The following POLR3E variants were observed in gnomAD, a reference collection of about 807,000 sequenced individuals.
POLR3E encodes RNA polymerase III subunit E.
POLR3E carries 41 observed loss-of-function variants against 96.6 expected under a neutral mutation model. That is an observed-to-expected ratio of 0.42 (90% CI 0.33 to 0.55). POLR3E has a LOEUF of 0.55. Among genes scored for constraint, POLR3E ranks in the 20% least tolerant of loss-of-function variants. The pLI is 0.06. For missense variants in POLR3E, 849 were observed against 952.1 expected (o/e 0.89, Z 1.43); for synonymous variants, 396 against 383.6 (o/e 1.03, Z -0.38).
Position 22,316,638 on chromosome 16 carries a change from G to T in POLR3E, c.680G>T (p.Cys227Phe), listed in dbSNP as rs1366413994. 2 of 1,613,966 alleles carry T rather than the reference G, an allele frequency of 1.2e-6. No homozygotes were observed. Among genetic ancestry groups the T allele is most frequent in the African/African-American group, 2.7e-5 (2 of 74,944 alleles). ...RSEHERQYLLCPGSSGVENTE... is the reference protein window; with the variant it reads ...RSEHERQYLLFPGSSGVENTE... ...GAGCATGAGCGTCAGTACCTGCTGT[G>T]CCCCGGCTCAAGCGGGGTGGAGAAC... The change falls in exon 10 of 21, where the codon TGC becomes TTC. Residue 227 changes from cysteine (C) to phenylalanine (F), a missense_variant. Cys to Phe is a radical substitution (Grantham distance 205). Transcript: ENST00000299853.
chr16:22,325,703 G>A (rs1253638137), intron 17 of POLR3E, 58 bp from the exon 18 acceptor site: 1 of 1,499,540 alleles, frequency 6.7e-7, no homozygotes, highest in African/African-American at 1.4e-5. Context: ...GTCCCCTGCT[G>A]GGCTTTTGGC....
intron 8 of POLR3E, among the ~76,000 whole-genome samples, chr16:22,314,651 A>C (rs1381682472): frequency 6.6e-6 from 1 of 152,184 alleles, no homozygotes; most frequent in Non-Finnish European, 1.5e-5. Context: ...GTATGGCTAG[A>C]GAGTGGTGAG....
Position 22,318,964 on chromosome 16 carries a change from T to TTTTTTA in POLR3E, c.986+28_986+33dup. The TTTTTTA allele has an allele frequency of 6.4e-7, 1 of 1,555,010 alleles. No individual in the cohort carries two copies. The highest frequency in any genetic ancestry group is 8.7e-7 in the Non-Finnish European group (1 of 1,148,578). On this transcript the variant is annotated intron_variant, in intron 13 of 20. Transcript: ENST00000299853. The surrounding 1 kb of genome is among the most constrained non-coding windows in gnomAD (Gnocchi z 5.0). ...GTGAAGAGGTAAGTTGCTTTTTTTA[T>TTTTTTA]TTTTTATTTTTATTTATTTTTTTCC... is the stretch of plus-strand genomic sequence containing the variant.
At chr16:22,327,184 G>A (rs1275767217) in intron 18 of POLR3E, 2 of 152,604 alleles carry the variant, frequency 1.3e-5, no homozygotes, top group African/African-American at 4.8e-5. Flanking sequence ...AAGGTCAGGA[G>A]CGGGCCTGCA....
At chr16:22,326,307 TG>T (rs1018206056) in intron 18 of POLR3E, 29 bp downstream of exon 18, 18 of 247,600 alleles carry the variant, frequency 7.3e-5, no homozygotes, top group East Asian at 1.6e-4. Context: ...GCCAGGGGCA[TG>T]GGGGGTGGGG....
chr16:22,335,084 T>C lies in POLR3E; in HGVS notation c.*1384T>C, dbSNP rs2048822091. ...ACATATGTGAACCTGAAAAGTAAAGTTACCAAAAGCGATTTGGAATATGTC... is the reference window on the plus strand; with the variant it reads ...ACATATGTGAACCTGAAAAGTAAAGCTACCAAAAGCGATTTGGAATATGTC... On this transcript the variant is annotated 3_prime_UTR_variant, in exon 21 of 21. Coordinates refer to ENST00000299853, the MANE Select transcript of POLR3E (RefSeq NM_018119.4). 2 of 152,224 alleles carry C rather than the reference T, an allele frequency of 1.3e-5. 1 individual carries two copies. Among genetic ancestry groups the C allele is most frequent in the Non-Finnish European group, 2.9e-5 (2 of 68,046 alleles). The allele number at this position is 152,224 out of a possible 1,614,324, so 9.4% of individuals were successfully genotyped here. A position where few individuals can be genotyped will look rare whatever the true frequency, so the allele number is the denominator to read the frequency against.
rs150646233 is a variant in POLR3E, at chr16:22,313,724, G to A, written c.469G>A (p.Glu157Lys). ...GCACCGGGAGAGGGAGGCGGCCAAC[G>A]AGGGTGAGCCCGGGATCCCCAGCCC... ...AKHREREAAN[E>K]AGDSSQDEAE... is the part of the protein sequence containing the mutation. Residue 157 changes from glutamate to lysine, a missense_variant, in exon 7 of 21, where the codon GAG becomes AAG. Glu to Lys is a moderately conservative substitution (Grantham distance 56, BLOSUM62 1). Transcript: ENST00000299853. The surrounding 1 kb of genome is among the most constrained non-coding windows in gnomAD (Gnocchi z 4.1). 6.8e-6 allele frequency: 11 copies of A among 1,607,504 alleles called. No homozygotes were observed. Among genetic ancestry groups the A allele is most frequent in the African/African-American group, 2.7e-5 (2 of 74,822 alleles).
intron 1 of POLR3E, among the ~76,000 whole-genome samples, chr16:22,301,917 G>A (rs1195825977): frequency 1.3e-5 from 2 of 148,254 alleles, no homozygotes; most frequent in African/African-American, 2.5e-5. Context: ...GCAAGACTCC[G>A]TCTCAAGAAA....
chr16:22,305,126 C>T (rs775096710), intron 2 of POLR3E, 30 bp from the exon 3 acceptor site: 1 of 1,600,134 alleles, frequency 6.2e-7, no homozygotes, highest in East Asian at 2.2e-5. Context: ...TGTCCAGTCT[C>T]CCGGTTAAGT....
At chr16:22,329,273 C>T (rs1006046229) in intron 19 of POLR3E, among the ~76,000 whole-genome samples, 1 of 152,108 alleles carries the variant, frequency 6.6e-6, no homozygotes, top group African/African-American at 2.4e-5. Context: ...TGTCAGATGT[C>T]AGGTCCTGGA....
intron 19 of POLR3E, chr16:22,329,103 A>T (rs902585623): frequency 6.0e-6 from 1 of 167,038 alleles, no homozygotes; most frequent in Non-Finnish European, 1.3e-5. Context: ...AAAAAAAAAA[A>T]AACATAGATT....
Position 22,303,986 on chromosome 16 carries a change from T to G in POLR3E, c.36+982T>G, listed in dbSNP as rs2048083568. Among the ~76,000 whole-genome samples the G allele has an allele frequency of 2.6e-5, 4 of 151,902 alleles. No homozygotes were observed. The South Asian group carries it at 8.3e-4, about 32-fold the overall frequency. On this transcript the variant is annotated intron_variant, in intron 2 of 20. Coordinates refer to ENST00000299853, the MANE Select transcript of POLR3E (RefSeq NM_018119.4). ...CCACTACACCTGGCTAATTTTTGTATTTTTAGTAGAGATGGGATTTCACCA... is the reference window on the plus strand; with the variant it reads ...CCACTACACCTGGCTAATTTTTGTAGTTTTAGTAGAGATGGGATTTCACCA...
intron 3 of POLR3E, among the ~76,000 whole-genome samples, chr16:22,307,746 C>T (rs972550877): frequency 6.6e-6 from 1 of 152,202 alleles, no homozygotes; most frequent in African/African-American, 2.4e-5. Context: ...CTCTTTGCTT[C>T]CTCATGGACT....
At chr16:22,311,431 ATACTT>A (rs957021736) in intron 6 of POLR3E, among the ~76,000 whole-genome samples, 1 of 151,590 alleles carries the variant, frequency 6.6e-6, no homozygotes, top group African/African-American at 2.4e-5. Flanking sequence ...CTTTTATACT[ATACTT>A]TTACTGTACC....
intron 19 of POLR3E, 32 bp downstream of exon 19, chr16:22,328,619 G>A: frequency 6.3e-7 from 1 of 1,584,116 alleles, no homozygotes; most frequent in East Asian, 2.2e-5. Context: ...TCTTCCCGAA[G>A]AGCCAGGGGG....
intron 14 of POLR3E, 101 bp from the exon 15 acceptor site, chr16:22,324,253 T>C (rs1363784433): frequency 3.4e-6 from 3 of 892,144 alleles, no homozygotes; most frequent in Non-Finnish European, 5.6e-6. Context: ...AGCCTAGGAC[T>C]GTCCCAGGCT....
In POLR3E at chr16:22,316,604, A is replaced by G. The variant is rs772279040; in HGVS notation, c.646A>G (p.Ser216Gly). Residue 216 changes from serine to glycine, a missense_variant, in exon 10 of 21, where the codon AGT becomes GGT. Coordinates refer to ENST00000299853, the MANE Select transcript of POLR3E (RefSeq NM_018119.4). ...ACACCCTGCCCTCCTCCAACAGGAC[A>G]GTCGCTCTGAGCATGAGCGTCAGTA... is the stretch of plus-strand genomic sequence containing the variant. Reference protein sequence around the residue: ...VHLHYYGLRDSRSEHERQYLL... With the variant: ...VHLHYYGLRDGRSEHERQYLL... 5 of 1,613,394 alleles carry G rather than the reference A, an allele frequency of 3.1e-6. No individual in the cohort carries two copies. The highest frequency in any genetic ancestry group is 4.2e-6 in the Non-Finnish European group (5 of 1,179,398).
intron 2 of POLR3E, 47 bp from the exon 3 acceptor site, chr16:22,305,109 A>G: frequency 6.6e-7 from 1 of 1,505,652 alleles, no homozygotes; most frequent in Non-Finnish European, 9.3e-7. Flanking sequence ...CGGGGAGGTC[A>G]GCACTGTGTC....
chr16:22,327,173 C>T (rs554954882), intron 18 of POLR3E: 1 of 152,594 alleles, frequency 6.6e-6, no homozygotes, highest in South Asian at 2.1e-4. Context: ...TTTTCATTGC[C>T]AAGGTCAGGA....
Sources: allele counts gnomAD v4.1 joint callset (sites outside exome capture counted in the v4.1 genomes callset), GRCh38; gene constraint gnomAD v4.1.1; non-coding constraint Gnocchi (gnomAD v3.1); transcripts MANE v1.5; gene names NCBI Gene and HGNC (gene_info 2026-07-23, HGNC 2026-07-21).